Variants in MYO1D observed in about 807,000 individuals in gnomAD.
MYO1D encodes unconventional myosin-Id.
In MYO1D, 83 loss-of-function variants were observed where a neutral mutation model predicts 122.0. That is an observed-to-expected ratio of 0.68 (90% CI 0.57 to 0.82). MYO1D has a LOEUF of 0.82. Among genes scored for constraint, MYO1D ranks in the 40% least tolerant of loss-of-function variants. The probability of loss-of-function intolerance (pLI) is 0.00; values close to 1 mark genes in which losing one functional copy is unlikely to be tolerated. For missense variants in MYO1D, 1,157 were observed against 1,269.5 expected, an observed-to-expected ratio of 0.91 and a Z score of 1.35; for synonymous variants, 464 against 446.9, an observed-to-expected ratio of 1.04 and a Z score of -0.48.
chr17:32,839,976 G>A (rs961905144), intron 1 of MYO1D, among the ~76,000 whole-genome samples: 1 of 152,146 alleles, frequency 6.6e-6, no homozygotes, highest in African/African-American at 2.4e-5. Flanking sequence ...TCTCCTTTTA[G>A]AAAGAAAGAA....
chr17:32,699,270 G>A (rs1165012737), intron 16 of MYO1D, among the ~76,000 whole-genome samples: 1 of 152,016 alleles, frequency 6.6e-6, no homozygotes, highest in Admixed American at 6.6e-5. Flanking sequence ...CAGCCCATAA[G>A]CCACCTTTAA....
At chr17:32,520,406 G>A (rs910630395) in intron 21 of MYO1D, among the ~76,000 whole-genome samples, 2 of 152,238 alleles carry the variant, frequency 1.3e-5, no homozygotes, top group Admixed American at 1.3e-4. Flanking sequence ...AAAGAGCCAA[G>A]GGGTGTGGCT....
intron 21 of MYO1D, among the ~76,000 whole-genome samples, chr17:32,559,771 A>C (rs1488165052): frequency 1.3e-5 from 2 of 152,164 alleles, no homozygotes; most frequent in Non-Finnish European, 2.9e-5. Flanking sequence ...ACGTTTTACT[A>C]TCTTTAACTT....
intron 20 of MYO1D, among the ~76,000 whole-genome samples, chr17:32,618,120 A>T (rs904781181): frequency 1.3e-5 from 2 of 152,242 alleles, no homozygotes; most frequent in Admixed American, 6.5e-5. Context: ...TGTGTGAGCC[A>T]CATGCTGTTT....
intron 21 of MYO1D, among the ~76,000 whole-genome samples, chr17:32,563,594 A>G (rs1003410774): frequency 1.2e-4 from 19 of 152,104 alleles, no homozygotes; most frequent in Admixed American, 2.6e-4. Context: ...CAGCACCTGC[A>G]TCTTAACGTC....
chr17:32,845,962 C>T (rs1428792959), intron 1 of MYO1D, among the ~76,000 whole-genome samples: 1 of 151,882 alleles, frequency 6.6e-6, no homozygotes, highest in East Asian at 1.9e-4. Flanking sequence ...CTGCTGAATT[C>T]ATAATACAAA....
intron 1 of MYO1D, among the ~76,000 whole-genome samples, chr17:32,810,190 T>C (rs571993609): frequency 6.6e-6 from 1 of 151,394 alleles, no homozygotes; most frequent in African/African-American, 2.4e-5. Context: ...ATATGAAGGG[T>C]GAGGAAGCTG....
chr17:32,851,823 G>A (rs1365364790), intron 1 of MYO1D, among the ~76,000 whole-genome samples: 1 of 152,238 alleles, frequency 6.6e-6, no homozygotes, highest in Non-Finnish European at 1.5e-5. Context: ...TCATCTGTCA[G>A]GAGGTGGAGC....
At chr17:32,524,952 A>G (rs1910294986) in intron 21 of MYO1D, among the ~76,000 whole-genome samples, 1 of 152,194 alleles carries the variant, frequency 6.6e-6, no homozygotes, top group Admixed American at 6.5e-5. Context: ...GTCCTCCTGC[A>G]CTGGCCTCCC....
intron 21 of MYO1D, among the ~76,000 whole-genome samples, chr17:32,507,018 G>A (rs1194972657): frequency 6.6e-6 from 1 of 152,150 alleles, no homozygotes. Context: ...TAATTGTTTT[G>A]TTTATTTATT....
rs1226052195 is a variant in MYO1D, at chr17:32,682,197, CT to C, written c.2122-22860del. On this transcript the variant is annotated intron_variant, in intron 16 of 21. Transcript: ENST00000318217. ...TACAGCACACTGATGGGTCTTGACT[CT>C]TTATCCAATTTGCCAGTCTGTGTCT... Among the ~76,000 whole-genome samples, 4 of 148,256 alleles carry C rather than the reference CT, an allele frequency of 2.7e-5. No homozygotes were observed. In the East Asian group the frequency reaches 7.9e-4, roughly 29 times the overall value.
intron 16 of MYO1D, among the ~76,000 whole-genome samples, chr17:32,672,914 G>C (rs1232307927): frequency 6.6e-6 from 1 of 151,866 alleles, no homozygotes; most frequent in Non-Finnish European, 1.5e-5. Flanking sequence ...TTTGTACACT[G>C]CAGCTGTTGC....
intron 16 of MYO1D, among the ~76,000 whole-genome samples, chr17:32,679,364 G>A (rs529009420): frequency 0.026 from 3,922 of 151,996 alleles, 134 homozygotes; most frequent in African/African-American, 0.082. Context: ...TAATGCCTAG[G>A]TTTTCTTCTA....
At chr17:32,565,734 T>TG (rs200082712) in intron 21 of MYO1D, among the ~76,000 whole-genome samples, 69,901 of 146,720 alleles carry the variant, frequency 0.48, 16,490 homozygotes, top group African/African-American at 0.56. Flanking sequence ...GTGTGTGTGT[T>TG]TTTTTTTTGA....
At position 32,814,988 on chromosome 17, in the gene MYO1D, T is replaced by G. The variant is rs186658782; in HGVS notation, c.96-34204A>C. Among the ~76,000 whole-genome samples the G allele has an allele frequency of 6.3e-4, 96 of 152,296 alleles. No individual in the cohort carries two copies. In the East Asian group the frequency reaches 0.018, roughly 29 times the overall value. On this transcript the variant is annotated intron_variant, in intron 1 of 21. Transcript: ENST00000318217. ...ATCACTTGCGGGAGGCTTTTATGAGTTAGACCTAGAAGTGTCTAGACCTCA... is the reference window on the plus strand; with the variant it reads ...ATCACTTGCGGGAGGCTTTTATGAGGTAGACCTAGAAGTGTCTAGACCTCA...
chr17:32,663,927 C>T (rs950350921), intron 16 of MYO1D, among the ~76,000 whole-genome samples: 6 of 152,148 alleles, frequency 3.9e-5, no homozygotes, highest in Admixed American at 3.9e-4. Context: ...TTTTGGATGA[C>T]ACTTCTCAAA....
At chr17:32,849,071 T>C (rs1329614014) in intron 1 of MYO1D, among the ~76,000 whole-genome samples, 3 of 152,252 alleles carry the variant, frequency 2.0e-5, no homozygotes, top group Non-Finnish European at 4.4e-5. Context: ...AAAATGCTCA[T>C]CATCACTGGC....
Position 32,796,444 on chromosome 17 carries a change from C to T in MYO1D, c.96-15660G>A, listed in dbSNP as rs187308671. On this transcript the variant is annotated intron_variant, in intron 1 of 21. Transcript: ENST00000318217. The stretch of plus-strand genomic sequence containing the variant: ...TACTTTTTTTTTTGAGACTGTCTCA[C>T]AGTGTTGTCTGGACTGCAGAGCAGT... Among the ~76,000 whole-genome samples, 58 of 152,170 alleles carry T rather than the reference C, an allele frequency of 3.8e-4. 1 individual carries two copies. The highest frequency in any genetic ancestry group is 2.2e-3 in the Admixed American group (34 of 15,294).
At chr17:32,708,378 A>AT (rs1423168079) in intron 16 of MYO1D, among the ~76,000 whole-genome samples, 13 of 152,038 alleles carry the variant, frequency 8.6e-5, no homozygotes, top group Non-Finnish European at 1.6e-4. Context: ...TTTCCCTTAT[A>AT]TTTTTTGTAT....
Sources: gnomAD v4.1 joint callset for allele counts (sites outside exome capture counted in the v4.1 genomes callset) on GRCh38, gnomAD v4.1.1 for gene constraint, MANE v1.5 for transcripts, NCBI Gene and HGNC (gene_info 2026-07-23, HGNC 2026-07-21) for gene names.